Variants in VWA3B observed in about 807,000 individuals in gnomAD.
VWA3B encodes the protein von Willebrand factor A domain containing 3B.
A neutral mutation model predicts 158.3 loss-of-function variants in VWA3B; 138 were observed. The ratio of observed to expected loss-of-function variants is 0.87; its 90% CI spans 0.76 to 1.00. The LOEUF is 1.00. VWA3B is among the 50% of genes least tolerant of loss of function. The pLI is 0.00. For missense variants in VWA3B, 1,555 were observed against 1,565.1 expected (o/e 0.99, Z 0.11); for synonymous variants, 596 against 587.3 (o/e 1.01, Z -0.21).
chr2:98,137,704 C>CT (rs1424012086), intron 7 of VWA3B, among the ~76,000 whole-genome samples: 2 of 152,048 alleles, frequency 1.3e-5, no homozygotes, highest in African/African-American at 2.4e-5. Context: ...ATTTATATCT[C>CT]TCACTAAAGT....
At chr2:98,254,446 T>A (rs1218846396) in intron 20 of VWA3B, among the ~76,000 whole-genome samples, 1 of 152,176 alleles carries the variant, frequency 6.6e-6, no homozygotes, top group Non-Finnish European at 1.5e-5. Context: ...AAATGCGTAC[T>A]ATAAATCCTT....
At chr2:98,241,371 G>A (rs1318739659) in intron 19 of VWA3B, among the ~76,000 whole-genome samples, 1 of 152,020 alleles carries the variant, frequency 6.6e-6, no homozygotes, top group Non-Finnish European at 1.5e-5. Context: ...TGTTAGCAGA[G>A]GAGAAATTAA....
intron 20 of VWA3B, among the ~76,000 whole-genome samples, chr2:98,255,877 G>C (rs1172818654): frequency 6.6e-6 from 1 of 152,132 alleles, no homozygotes; most frequent in Non-Finnish European, 1.5e-5. Flanking sequence ...CCTTTACTCA[G>C]TCTGAGTTTT....
chr2:98,294,773 C>T (rs1253703665), intron 23 of VWA3B, among the ~76,000 whole-genome samples: 2 of 152,140 alleles, frequency 1.3e-5, no homozygotes, highest in Non-Finnish European at 2.9e-5. Flanking sequence ...GTGATGAGCT[C>T]AGGTCAAAAG....
At chr2:98,205,247 TAG>T (rs1174277079) in intron 12 of VWA3B, among the ~76,000 whole-genome samples, 12 of 152,244 alleles carry the variant, frequency 7.9e-5, no homozygotes, top group South Asian at 2.1e-4. Flanking sequence ...TTCATCTTGG[TAG>T]AGTTTTGGTA....
intron 14 of VWA3B, among the ~76,000 whole-genome samples, chr2:98,226,661 A>G (rs973712218): frequency 1.3e-5 from 2 of 152,262 alleles, no homozygotes; most frequent in Non-Finnish European, 2.9e-5. Context: ...AAGTATCTGC[A>G]AATGACATGT....
chr2:98,313,730 T>G (rs1028112831), downstream of VWA3B, among the ~76,000 whole-genome samples: 5 of 152,212 alleles, frequency 3.3e-5, no homozygotes. Context: ...CATCTCGCTC[T>G]CTTCGTCTCC....
intron 7 of VWA3B, among the ~76,000 whole-genome samples, chr2:98,149,695 G>C (rs1339395887): frequency 6.6e-6 from 1 of 152,204 alleles, no homozygotes; most frequent in African/African-American, 2.4e-5. Context: ...CTGTTACTTA[G>C]GTTTGGAAAG....
At chr2:98,299,933 C>A in intron 24 of VWA3B, 146 bp from the exon 25 acceptor site, 1 of 1,118,698 alleles carries the variant, frequency 8.9e-7, no homozygotes, top group Non-Finnish European at 1.3e-6. Flanking sequence ...AATCTTGGAA[C>A]TCTTTCTTAA....
rs1689914234 is a variant in VWA3B, at chr2:98,297,966, A to T, written c.3217A>T (p.Thr1073Ser). The T allele has an allele frequency of 6.3e-7, 1 of 1,587,874 alleles. No homozygotes were observed. Among genetic ancestry groups the T allele is most frequent in the Non-Finnish European group, 8.6e-7 (1 of 1,167,168 alleles). The change falls in exon 24 of 28, where the codon ACC becomes TCC. Residue 1073 changes from threonine to serine, a missense_variant. Thr to Ser is a moderately conservative substitution (Grantham distance 58). Coordinates refer to ENST00000477737, the MANE Select transcript of VWA3B (RefSeq NM_144992.5). ...QALVGFSYGD[T>S]KVVSTSFITP... is the part of the protein sequence containing the mutation. The stretch of plus-strand genomic sequence containing the variant: ...ACTGGTGGGCTTCAGTTACGGAGAC[A>T]CCAAGGTCGTGTCCACCTCCTTCAT...
At chr2:98,152,264 G>A (rs1399759498) in intron 7 of VWA3B, among the ~76,000 whole-genome samples, 2 of 152,350 alleles carry the variant, frequency 1.3e-5, no homozygotes, top group East Asian at 1.9e-4. Context: ...TCAGTAAGAA[G>A]TGTAAATGGT....
At chr2:98,151,886 T>C (rs1677665875) in intron 7 of VWA3B, among the ~76,000 whole-genome samples, 1 of 152,082 alleles carries the variant, frequency 6.6e-6, no homozygotes, top group African/African-American at 2.4e-5. Context: ...GGATTCCAAG[T>C]GGGTTTTGTT....
At chr2:98,280,837 G>A (rs1351769702) in intron 22 of VWA3B, among the ~76,000 whole-genome samples, 1 of 152,202 alleles carries the variant, frequency 6.6e-6, no homozygotes, top group African/African-American at 2.4e-5. Flanking sequence ...TTAAGCCTTG[G>A]CCGGCCAGGC....
intron 8 of VWA3B, among the ~76,000 whole-genome samples, chr2:98,167,221 A>T (rs930218356): frequency 6.6e-6 from 1 of 152,186 alleles, no homozygotes. Context: ...ATACAGGTCC[A>T]TAGTACCAGG....
intron 7 of VWA3B, among the ~76,000 whole-genome samples, chr2:98,149,028 T>C (rs1052237945): frequency 6.6e-6 from 1 of 152,260 alleles, no homozygotes; most frequent in Non-Finnish European, 1.5e-5. Flanking sequence ...CAAGGCACAC[T>C]ATTTTTCTCA....
intron 23 of VWA3B, among the ~76,000 whole-genome samples, chr2:98,294,203 C>CAAAAAAAA (rs751689571): frequency 2.1e-4 from 12 of 56,278 alleles, no homozygotes; most frequent in African/African-American, 7.8e-4. Context: ...CACACACACA[C>CAAAAAAAA]AAAAAAAAAA....
chr2:98,088,997 G>A (rs528745838), intron 1 of VWA3B, among the ~76,000 whole-genome samples: 118 of 152,078 alleles, frequency 7.8e-4, no homozygotes, highest in African/African-American at 2.7e-3. Context: ...CAGGTGATCC[G>A]CCCGCCTTGG....
chr2:98,183,123 A>AT (rs1318837903), intron 9 of VWA3B, among the ~76,000 whole-genome samples: 1 of 151,288 alleles, frequency 6.6e-6, no homozygotes, highest in East Asian at 1.9e-4. Flanking sequence ...TTTTACCTCA[A>AT]TTTTTTTGTG....
At chr2:98,188,441 G>A (rs1489117427) in intron 10 of VWA3B, among the ~76,000 whole-genome samples, 1 of 152,056 alleles carries the variant, frequency 6.6e-6, no homozygotes, top group African/African-American at 2.4e-5. Context: ...GAATACCAGA[G>A]CTTGTTCCTC....
Sources: allele counts gnomAD v4.1 joint callset (sites outside exome capture counted in the v4.1 genomes callset), GRCh38; gene constraint gnomAD v4.1.1; transcripts MANE v1.5; gene names NCBI Gene and HGNC (gene_info 2026-07-23, HGNC 2026-07-21).